RAP1GAP2: variants seen among roughly 807,000 people sequenced by gnomAD.
RAP1GAP2 encodes RAP1 GTPase activating protein 2, also known as rap1 GTPase-activating protein 2.
In RAP1GAP2, 27 loss-of-function variants were observed where a neutral mutation model predicts 95.0. That is an observed-to-expected ratio of 0.28 (90% CI 0.21 to 0.39). The LOEUF is 0.39. Among genes scored for constraint, RAP1GAP2 ranks in the 10% least tolerant of loss-of-function variants. The pLI is 1.00. For missense variants in RAP1GAP2, 771 were observed against 970.0 expected (o/e 0.79, Z 2.72); for synonymous variants, 373 against 380.9 (o/e 0.98, Z 0.24).
At chr17:2,873,893 G>C (rs1329384696) in intron 2 of RAP1GAP2, among the ~76,000 whole-genome samples, 7 of 151,970 alleles carry the variant, frequency 4.6e-5, no homozygotes, top group African/African-American at 7.3e-5. Context: ...CTCCCGAGTA[G>C]CTGGGATTAC....
Position 2,902,892 on chromosome 17 carries a change from A to G in RAP1GAP2, c.81-2392A>G, listed in dbSNP as rs2042071525. On this transcript the variant is annotated intron_variant, in intron 2 of 24. Coordinates refer to ENST00000254695, the MANE Select transcript of RAP1GAP2 (RefSeq NM_015085.5). The surrounding 1 kb of genome is among the most constrained non-coding windows in gnomAD (Gnocchi z 4.1). ...ACTCAGGGCCTTGAACAATAATCATATGTGCCCTGGTGCCATGAGCGTGGA... is the reference window on the plus strand; with the variant it reads ...ACTCAGGGCCTTGAACAATAATCATGTGTGCCCTGGTGCCATGAGCGTGGA... 6.6e-6 allele frequency among the ~76,000 whole-genome samples: 1 copy of G among 152,124 alleles called. No individual in the cohort carries two copies. The highest frequency in any genetic ancestry group is 2.4e-5 in the African/African-American group (1 of 41,436).
At chr17:2,932,294 T>TG (rs1254766320) in intron 3 of RAP1GAP2, among the ~76,000 whole-genome samples, 1 of 152,058 alleles carries the variant, frequency 6.6e-6, no homozygotes, top group Admixed American at 6.6e-5. Flanking sequence ...GGCCAAGTTC[T>TG]GGAGCAGTTA....
chr17:2,848,047 C>G (rs1176964308), intron 2 of RAP1GAP2, among the ~76,000 whole-genome samples: 1 of 152,094 alleles, frequency 6.6e-6, no homozygotes, highest in Non-Finnish European at 1.5e-5. Flanking sequence ...TTCTTTATTC[C>G]TCCCTCTACC....
At chr17:2,780,108 T>C (rs957341603) in intron 1 of RAP1GAP2, among the ~76,000 whole-genome samples, 1 of 152,198 alleles carries the variant, frequency 6.6e-6, no homozygotes, top group African/African-American at 2.4e-5. Flanking sequence ...TGGAGTGCAG[T>C]GGCGCGATCT....
rs1471155291 is a variant in RAP1GAP2 at position 3,037,367 on chromosome 17, C to CT, written c.*4006_*4007insT. 3.1e-3 allele frequency: 210 copies of CT among 68,826 alleles called. 55 individuals are homozygous for CT. Among genetic ancestry groups the CT allele is most frequent in the Non-Finnish European group, 7.1e-3 (141 of 19,974 alleles). The allele number at this position is 68,826 out of a possible 1,614,324, so 4.3% of individuals were successfully genotyped here. The stretch of plus-strand genomic sequence containing the variant: ...TTTCTGCTTGGAAGTGTGAACTACC[C>CT]CCCCCCCCCCGCTTCCTGCTCCTTA... On this transcript the variant is annotated 3_prime_UTR_variant, in exon 25 of 25. Transcript: ENST00000254695.
intron 3 of RAP1GAP2, among the ~76,000 whole-genome samples, chr17:2,931,204 G>A (rs2043139442): frequency 6.6e-6 from 1 of 151,950 alleles, no homozygotes. Context: ...GTGCAGCTGG[G>A]TCATGGTCCC....
chr17:2,785,813 G>A (rs541279752), intron 1 of RAP1GAP2, among the ~76,000 whole-genome samples: 1 of 152,104 alleles, frequency 6.6e-6, no homozygotes, highest in South Asian at 2.1e-4. Context: ...GACCTTGGAC[G>A]AGTCTCTTAA....
chr17:2,775,810 G>A (rs1423579047), upstream of RAP1GAP2, among the ~76,000 whole-genome samples: 1 of 152,172 alleles, frequency 6.6e-6, no homozygotes, highest in Non-Finnish European at 1.5e-5. Flanking sequence ...AGGACCCTTC[G>A]TTCCTTCTAC....
At chr17:2,890,829 C>T (rs145521330) in intron 2 of RAP1GAP2, among the ~76,000 whole-genome samples, 4 of 151,894 alleles carry the variant, frequency 2.6e-5, no homozygotes, top group South Asian at 2.1e-4. Context: ...GGACCACAGG[C>T]GCCCGCCACC....
At chr17:2,909,590 T>TG (rs1181654722) in intron 3 of RAP1GAP2, among the ~76,000 whole-genome samples, 8 of 152,248 alleles carry the variant, frequency 5.3e-5, no homozygotes, top group Non-Finnish European at 1.2e-4. Context: ...TGCCTGCCCC[T>TG]GCTGCGCTCT....
At chr17:3,015,786 A>T (rs1046562189) in intron 17 of RAP1GAP2, among the ~76,000 whole-genome samples, 1 of 151,414 alleles carries the variant, frequency 6.6e-6, no homozygotes, top group African/African-American at 2.4e-5. Context: ...CACACGCTGT[A>T]CTCCAGCCTG....
chr17:2,847,555 G>A (rs931756612), intron 2 of RAP1GAP2, among the ~76,000 whole-genome samples: 2 of 152,180 alleles, frequency 1.3e-5, no homozygotes, highest in African/African-American at 4.8e-5. Flanking sequence ...TCTGTTCTCT[G>A]TAGAGCCAAA....
intron 8 of RAP1GAP2, among the ~76,000 whole-genome samples, chr17:2,972,321 A>G (rs1475444766): frequency 6.6e-6 from 1 of 152,206 alleles, no homozygotes; most frequent in Non-Finnish European, 1.5e-5. Context: ...AAGCTTCCCA[A>G]TTAATAATGC....
At chr17:2,981,310 T>A in intron 10 of RAP1GAP2, 62 bp downstream of exon 10, 1 of 1,469,986 alleles carries the variant, frequency 6.8e-7, no homozygotes, top group Non-Finnish European at 9.4e-7. Context: ...TGCAGACCTG[T>A]GGCTCTTTGG....
chr17:2,810,026 C>G (rs754636676), intron 2 of RAP1GAP2, among the ~76,000 whole-genome samples: 4,513 of 60,362 alleles, frequency 0.075, 245 homozygotes, highest in Non-Finnish European at 0.15. Context: ...ACCCTCCCCT[C>G]CCCCCGCCCC....
Position 3,026,040 on chromosome 17 carries a change from A to G in RAP1GAP2, c.1784A>G (p.Asp595Gly). 1.2e-6 allele frequency: 2 copies of G among 1,613,784 alleles called. No individual in the cohort carries two copies. The highest frequency in any genetic ancestry group is 2.2e-5 in the South Asian group (2 of 91,072). Residue 595 changes from aspartate to glycine, a missense_variant, in exon 20 of 25, where the codon GAT becomes GGT. Asp to Gly is a moderately conservative substitution (Grantham distance 94, BLOSUM62 -1). Coordinates refer to ENST00000254695, the MANE Select transcript of RAP1GAP2 (RefSeq NM_015085.5). Reference sequence around the variant, plus strand: ...ACATCCAGCACACCCAAGACCCCAGATGGTGGACACTCCTCTCAGGAGATA... The same window carrying G: ...ACATCCAGCACACCCAAGACCCCAGGTGGTGGACACTCCTCTCAGGAGATA... ...DSTSSTPKTP[D>G]GGHSSQEIKS...
intron 2 of RAP1GAP2, among the ~76,000 whole-genome samples, chr17:2,832,533 G>C (rs955211817): frequency 4.1e-5 from 6 of 146,314 alleles, no homozygotes; most frequent in African/African-American, 1.5e-4. Context: ...ACTCCAGCCT[G>C]GGCGACAGAG....
rs2042116913 is a variant in RAP1GAP2, at chr17:2,904,287, C to A, written c.81-997C>A. Among the ~76,000 whole-genome samples, 2 of 152,138 alleles carry A rather than the reference C, an allele frequency of 1.3e-5. No individual in the cohort carries two copies. The highest frequency in any genetic ancestry group is 6.6e-5 in the Admixed American group (1 of 15,256). ...TGCAGCCGTGGCTCTGAAGGCTGAT[C>A]CCATGCCAAACCGTCTGCTTGGTGA... On this transcript the variant is annotated intron_variant, in intron 2 of 24. Coordinates refer to ENST00000254695, the MANE Select transcript of RAP1GAP2 (RefSeq NM_015085.5). The surrounding 1 kb of genome is among the most constrained non-coding windows in gnomAD (Gnocchi z 4.7).
chr17:3,027,904 G>A lies in RAP1GAP2; in HGVS notation c.2107+834G>A, dbSNP rs1032541207. ...GTTCAGAGAGAGCAGGAGTCTGGGC[G>A]TTTTGGGGTTCTGTGATCCCTGCAG... On this transcript the variant is annotated intron_variant, in intron 22 of 24. Coordinates refer to ENST00000254695, the MANE Select transcript of RAP1GAP2 (RefSeq NM_015085.5). This position sits in a 1 kb window ranked among gnomAD's most constrained non-coding sequence, Gnocchi z 5.2. Among the ~76,000 whole-genome samples the A allele has an allele frequency of 1.1e-4, 16 of 152,060 alleles. No homozygotes were observed. The highest frequency in any genetic ancestry group is 6.5e-4 in the Admixed American group (10 of 15,274).
Sources: allele counts gnomAD v4.1 joint callset (sites outside exome capture counted in the v4.1 genomes callset), GRCh38; gene constraint gnomAD v4.1.1; non-coding constraint Gnocchi (gnomAD v3.1); transcripts MANE v1.5; gene names NCBI Gene and HGNC (gene_info 2026-07-23, HGNC 2026-07-21).